The following DMD variants were observed in gnomAD, a reference collection of about 807,000 sequenced individuals.
The protein encoded by DMD is mutant dystrophin.
In DMD, 63 loss-of-function variants were observed where a neutral mutation model predicts 330.1. The observed-to-expected ratio is 0.19, with a 90% CI of 0.16 to 0.24. DMD has a LOEUF of 0.24. DMD is among the 10% of genes least tolerant of loss of function. The probability of loss-of-function intolerance (pLI) is 1.00; values close to 1 mark genes in which losing one functional copy is unlikely to be tolerated. For missense variants in DMD, 3,344 were observed against 2,684.1 expected (o/e 1.25, Z -5.43); for synonymous variants, 1,223 against 959.8 (o/e 1.27, Z -5.07).
chrX:31,961,082 T>C (rs1164920375), intron 45 of DMD, among the ~76,000 whole-genome samples: 1 of 112,171 alleles, frequency 8.9e-6, no homozygotes, highest in African/African-American at 3.2e-5. Context: ...GATAAACAAA[T>C]GTACAAAATG....
intron 55 of DMD, among the ~76,000 whole-genome samples, chrX:31,585,640 A>G (rs1372856642): frequency 2.7e-5 from 3 of 110,559 alleles, no homozygotes; most frequent in Non-Finnish European, 5.7e-5. Flanking sequence ...TTTGCCCATA[A>G]GAAGCTTCTG....
intron 47 of DMD, among the ~76,000 whole-genome samples, chrX:31,890,463 A>C (rs1194516537): frequency 8.9e-6 from 1 of 111,823 alleles, no homozygotes; most frequent in Non-Finnish European, 1.9e-5. Context: ...ATACAATTTA[A>C]ATATCAGTTC....
intron 1 of DMD, among the ~76,000 whole-genome samples, chrX:33,021,703 A>G (rs1340433811): frequency 8.9e-6 from 1 of 111,750 alleles, no homozygotes; most frequent in Admixed American, 9.5e-5. Flanking sequence ...TAAATTTCAA[A>G]CTGTCATCTT....
intron 7 of DMD, among the ~76,000 whole-genome samples, chrX:32,706,135 C>T (rs2069302907): frequency 9.9e-6 from 1 of 100,951 alleles, no homozygotes; most frequent in Non-Finnish European, 2.0e-5. Context: ...GACAAAAAAC[C>T]AAACACTGCA....
At chrX:32,402,723 C>G (rs1259459169) in intron 30 of DMD, among the ~76,000 whole-genome samples, 1 of 111,299 alleles carries the variant, frequency 9.0e-6, no homozygotes, top group East Asian at 2.8e-4. Flanking sequence ...TTATACTATT[C>G]AAAGTATTTT....
intron 1 of DMD, among the ~76,000 whole-genome samples, chrX:33,259,375 G>T (rs796119684): frequency 9.1e-6 from 1 of 110,154 alleles, no homozygotes; most frequent in South Asian, 3.8e-4. Flanking sequence ...TGTTGTACAT[G>T]CTATAGGTTT....
At position 31,819,047 on chromosome X, in the gene DMD, A is replaced by G. The variant is rs748528914; in HGVS notation, c.7309+928T>C. ...AGCAGACAAGGCAAAAAAAAAAACA[A>G]AAACAAAAAACAACACCCAAAGATG... On this transcript the variant is annotated intron_variant, in intron 50 of 78. Transcript: ENST00000357033. Among the ~76,000 whole-genome samples, 4 of 111,450 alleles carry G rather than the reference A, an allele frequency of 3.6e-5. No homozygotes were observed. In the South Asian group the frequency reaches 1.5e-3, roughly 42 times the overall value.
At chrX:33,314,136 CCATTT>C (rs200739264) in intron 1 of DMD, among the ~76,000 whole-genome samples, 3,221 of 110,186 alleles carry the variant, frequency 0.029, 93 homozygotes, top group East Asian at 0.17. Context: ...CACACAACCC[CCATTT>C]ATGTATATAT....
intron 60 of DMD, among the ~76,000 whole-genome samples, chrX:31,363,371 TC>T (rs2059044654): frequency 3.3e-5 from 3 of 89,795 alleles, no homozygotes; most frequent in Admixed American, 1.3e-4. Context: ...AAGACATGTA[TC>T]TTTTTTTTTT....
At chrX:32,056,526 A>G (rs745993827) in intron 44 of DMD, among the ~76,000 whole-genome samples, 241 of 110,835 alleles carry the variant, frequency 2.2e-3, no homozygotes, top group Middle Eastern at 9.3e-3. Flanking sequence ...AACCTAGAAA[A>G]AAATGAACAA....
chrX:31,512,614 T>C (rs1251624136), intron 55 of DMD, among the ~76,000 whole-genome samples: 1 of 109,647 alleles, frequency 9.1e-6, no homozygotes, highest in Non-Finnish European at 1.9e-5. Flanking sequence ...TTGCTTGTTT[T>C]TCTCAGGTTT....
At chrX:33,144,450 T>C (rs1241848947) in intron 1 of DMD, among the ~76,000 whole-genome samples, 2 of 112,009 alleles carry the variant, frequency 1.8e-5, no homozygotes, top group Non-Finnish European at 3.8e-5. Flanking sequence ...CCAACACAAA[T>C]AAATGATAAA....
intron 16 of DMD, among the ~76,000 whole-genome samples, chrX:32,547,192 T>C (rs1428386204): frequency 9.0e-6 from 1 of 111,290 alleles, no homozygotes; most frequent in Non-Finnish European, 1.9e-5. Context: ...ATTCTGAAAA[T>C]ACCAAGCTAA....
intron 44 of DMD, among the ~76,000 whole-genome samples, chrX:32,130,020 T>A (rs2096683266): frequency 1.8e-5 from 2 of 109,686 alleles, no homozygotes; most frequent in South Asian, 8.0e-4. Context: ...TTAAGTCTTT[T>A]TAAGCTGGCT....
At chrX:32,240,033 G>T (rs2097202204) in intron 43 of DMD, among the ~76,000 whole-genome samples, 1 of 110,582 alleles carries the variant, frequency 9.0e-6, no homozygotes, top group Non-Finnish European at 1.9e-5. Flanking sequence ...TTTTTATGTT[G>T]GTTTCTGTCT....
At position 31,399,838 on chromosome X, in the gene DMD, T is replaced by C. The variant is rs182283038; in HGVS notation, c.9084+44643A>G. On this transcript the variant is annotated intron_variant, in intron 60 of 78. Transcript: ENST00000357033. ...AGGACTGAGGGAAGGGCAGAGTAGT[T>C]AGAGAGGAATAGCTGGATTTGAGTG... 2.0e-3 allele frequency among the ~76,000 whole-genome samples: 220 copies of C among 111,364 alleles called. 2 individuals carry two copies. The highest frequency in any genetic ancestry group is 6.3e-3 in the African/African-American group (193 of 30,622).
intron 13 of DMD, among the ~76,000 whole-genome samples, chrX:32,585,932 C>T (rs1405671247): frequency 1.8e-5 from 2 of 109,411 alleles, no homozygotes; most frequent in African/African-American, 3.3e-5. Flanking sequence ...ACCTAACACC[C>T]TATTGGCCAA....
intron 2 of DMD, among the ~76,000 whole-genome samples, chrX:32,969,842 G>A (rs1327897943): frequency 1.1e-5 from 1 of 94,580 alleles, no homozygotes; most frequent in Admixed American, 1.0e-4. Context: ...ACCAAGCTAT[G>A]TCCATTTAGA....
At chrX:31,131,486 C>T (rs2034492007) in intron 77 of DMD, among the ~76,000 whole-genome samples, 1 of 111,269 alleles carries the variant, frequency 9.0e-6, no homozygotes, top group Non-Finnish European at 1.9e-5. Flanking sequence ...ATCTTTACCC[C>T]AGTTTGTGAT....
Sources: gnomAD v4.1 joint callset for allele counts (sites outside exome capture counted in the v4.1 genomes callset) on GRCh38, gnomAD v4.1.1 for gene constraint, MANE v1.5 for transcripts, NCBI Gene and HGNC (gene_info 2026-07-23, HGNC 2026-07-21) for gene names.